The following NRG3 variants were observed in gnomAD, a reference collection of about 807,000 sequenced individuals.
The protein encoded by NRG3 is pro-neuregulin-3, membrane-bound isoform.
A neutral mutation model predicts 66.9 loss-of-function variants in NRG3; 31 were observed. That is an observed-to-expected ratio of 0.46 (90% confidence interval 0.35 to 0.63). The LOEUF (loss-of-function observed/expected upper bound fraction) is 0.63. Among genes scored for constraint, NRG3 ranks in the 20% least tolerant of loss-of-function variants. The pLI is 0.00. For missense variants in NRG3, 910 were observed against 878.9 expected, an observed-to-expected ratio of 1.04 and a Z score of -0.45; for synonymous variants, 393 against 359.4, an observed-to-expected ratio of 1.09 and a Z score of -1.06.
chr10:82,640,125 C>T (rs1391452244), intron 2 of NRG3, among the ~76,000 whole-genome samples: 2 of 152,156 alleles, frequency 1.3e-5, no homozygotes, highest in Non-Finnish European at 2.9e-5. Flanking sequence ...GGATGCATAG[C>T]AAATACCATT....
intron 1 of NRG3, among the ~76,000 whole-genome samples, chr10:81,931,404 G>C (rs1000655182): frequency 1.3e-5 from 2 of 152,140 alleles, no homozygotes; most frequent in Non-Finnish European, 2.9e-5. Flanking sequence ...TGCAACAAAA[G>C]ATTTCCCTGA....
chr10:82,112,967 C>T (rs904185769), intron 1 of NRG3, among the ~76,000 whole-genome samples: 3 of 152,066 alleles, frequency 2.0e-5, no homozygotes, highest in African/African-American at 4.8e-5. Context: ...CTCATCTTCT[C>T]CCCCACACTG....
At chr10:82,796,442 G>C (rs1316674411) in intron 3 of NRG3, among the ~76,000 whole-genome samples, 1 of 152,044 alleles carries the variant, frequency 6.6e-6, no homozygotes. Flanking sequence ...GCAGCCCTCT[G>C]GACCCTGTGG....
chr10:82,129,289 G>A (rs1276824006), intron 1 of NRG3, among the ~76,000 whole-genome samples: 3 of 149,736 alleles, frequency 2.0e-5, no homozygotes, highest in South Asian at 2.1e-4. Flanking sequence ...TTGTCAGAGG[G>A]CACAGTTCAC....
At position 82,663,820 on chromosome 10, in the gene NRG3, C is replaced by A. The variant is rs547676414; in HGVS notation, c.954-74757C>A. Among the ~76,000 whole-genome samples, 6 of 152,290 alleles carry A rather than the reference C, an allele frequency of 3.9e-5. No homozygotes were observed. In the East Asian group the frequency reaches 1.2e-3, roughly 29 times the overall value. The stretch of plus-strand genomic sequence containing the variant: ...TCAGGTTGGCCATCAATAATGGGTG[C>A]ATTTATAGTAAGCCTTCAATTCCCA... On this transcript the variant is annotated intron_variant, in intron 2 of 8. Coordinates refer to ENST00000372141, the MANE Select transcript of NRG3 (RefSeq NM_001010848.4).
intron 2 of NRG3, among the ~76,000 whole-genome samples, chr10:82,706,208 G>T (rs2056274554): frequency 6.6e-6 from 1 of 152,100 alleles, no homozygotes; most frequent in Non-Finnish European, 1.5e-5. Flanking sequence ...GAGTGGCAAT[G>T]CTAAATGCTG....
At chr10:82,295,308 T>C (rs1308265740) in intron 1 of NRG3, among the ~76,000 whole-genome samples, 1 of 152,206 alleles carries the variant, frequency 6.6e-6, no homozygotes, top group African/African-American at 2.4e-5. Flanking sequence ...TGGATGATTA[T>C]GCTGTAATAG....
At chr10:82,844,476 C>T (rs1404948973) in intron 3 of NRG3, among the ~76,000 whole-genome samples, 1 of 152,154 alleles carries the variant, frequency 6.6e-6, no homozygotes, top group Non-Finnish European at 1.5e-5. Flanking sequence ...GAATCCCAAA[C>T]TGGAGTTCAA....
chr10:82,831,827 C>T (rs887977562), intron 3 of NRG3, among the ~76,000 whole-genome samples: 2 of 152,018 alleles, frequency 1.3e-5, no homozygotes, highest in South Asian at 4.2e-4. Context: ...GTTATTTGCT[C>T]TAGGGCATGC....
At chr10:82,643,782 G>T (rs1380564307) in intron 2 of NRG3, among the ~76,000 whole-genome samples, 1 of 151,608 alleles carries the variant, frequency 6.6e-6, no homozygotes, top group Admixed American at 6.6e-5. Context: ...CATGTCCCTG[G>T]GCTAATCCTG....
At chr10:82,138,224 C>G (rs1315853443) in intron 1 of NRG3, among the ~76,000 whole-genome samples, 2 of 151,854 alleles carry the variant, frequency 1.3e-5, no homozygotes, top group East Asian at 3.9e-4. Context: ...TCTTCTTGTC[C>G]CCAGCCCTCT....
intron 1 of NRG3, among the ~76,000 whole-genome samples, chr10:82,056,867 G>A (rs1284511599): frequency 6.6e-6 from 1 of 152,020 alleles, no homozygotes; most frequent in Admixed American, 6.6e-5. Flanking sequence ...ATTGTTTATT[G>A]TGGATGACTT....
At chr10:82,879,913 G>A (rs889462829) in intron 4 of NRG3, among the ~76,000 whole-genome samples, 1 of 148,516 alleles carries the variant, frequency 6.7e-6, no homozygotes, top group Admixed American at 6.8e-5. Context: ...CAGTGAGGTC[G>A]CCTGTCTTCA....
At chr10:82,047,108 C>T (rs1428707548) in intron 1 of NRG3, among the ~76,000 whole-genome samples, 1 of 151,364 alleles carries the variant, frequency 6.6e-6, no homozygotes, top group African/African-American at 2.4e-5. Flanking sequence ...AGGATTCCCT[C>T]TTTTTCTATT....
chr10:82,409,424 G>C (rs1332951512), intron 2 of NRG3, among the ~76,000 whole-genome samples: 2 of 152,100 alleles, frequency 1.3e-5, no homozygotes, highest in Non-Finnish European at 1.5e-5. Flanking sequence ...TCATGATTTG[G>C]GGAGTGGAAA....
intron 2 of NRG3, among the ~76,000 whole-genome samples, chr10:82,545,096 A>C (rs1016659908): frequency 2.0e-5 from 3 of 152,210 alleles, no homozygotes; most frequent in Admixed American, 6.5e-5. Context: ...GAAAGAACTA[A>C]GTATGACTGT....
chr10:82,011,642 G>A (rs942748323), intron 1 of NRG3, among the ~76,000 whole-genome samples: 4 of 152,148 alleles, frequency 2.6e-5, no homozygotes, highest in African/African-American at 7.2e-5. Context: ...GGTGGTGCAG[G>A]CATTGAGTAA....
intron 1 of NRG3, among the ~76,000 whole-genome samples, chr10:82,047,866 G>C (rs1215755601): frequency 6.6e-6 from 1 of 152,046 alleles, no homozygotes; most frequent in Non-Finnish European, 1.5e-5. Context: ...CTCACATGCA[G>C]AGACGCACAT....
rs3075660 is a variant in NRG3 at position 82,941,995 on chromosome 10, TTGTG to T, written c.1055-9447_1055-9444del. Reference sequence around the variant, plus strand: ...TTGCTTACTTATATGACATATAGGTTTGTGTGTGTGTGTGTGTGTGTGTGTGTGT... The same window carrying T: ...TTGCTTACTTATATGACATATAGGTTTGTGTGTGTGTGTGTGTGTGTGTGT... On this transcript the variant is annotated intron_variant, in intron 4 of 8. Transcript: ENST00000372141. Among the ~76,000 whole-genome samples, 929 of 148,098 alleles carry T rather than the reference TTGTG, an allele frequency of 6.3e-3. 11 individuals are homozygous for T. Among genetic ancestry groups the T allele is most frequent in the East Asian group, 0.058 (290 of 5,008 alleles).
Sources: gnomAD v4.1 joint callset for allele counts (sites outside exome capture counted in the v4.1 genomes callset) on GRCh38, gnomAD v4.1.1 for gene constraint, MANE v1.5 for transcripts, NCBI Gene and HGNC (gene_info 2026-07-23, HGNC 2026-07-21) for gene names.